The following MAMLD1 variants were observed in gnomAD, a reference collection of about 807,000 sequenced individuals.
MAMLD1 encodes mastermind like domain containing 1.
Under a neutral mutation model 45.0 loss-of-function variants are expected in MAMLD1, and 14 were observed. The observed-to-expected ratio is 0.31, with a 90% CI of 0.21 to 0.49. MAMLD1 has a LOEUF of 0.49. Among genes scored for constraint, MAMLD1 ranks in the 20% least tolerant of loss-of-function variants. The pLI is 0.99. For synonymous variants in MAMLD1, 254 were observed against 247.8 expected (o/e 1.02, Z -0.24); for missense variants, 543 against 603.6 (o/e 0.90, Z 1.05).
chrX:150,387,328 A>G (rs1414784335), intron 1 of MAMLD1, among the ~76,000 whole-genome samples: 1 of 112,112 alleles, frequency 8.9e-6, no homozygotes, highest in Non-Finnish European at 1.9e-5. Context: ...CTTCTTTTAC[A>G]AGTCTTCCTG....
chrX:150,478,203 G>A lies in MAMLD1; in HGVS notation c.2040+4401G>A, dbSNP rs1557406945. Among the ~76,000 whole-genome samples the A allele has an allele frequency of 2.7e-5, 3 of 112,148 alleles. No homozygotes were observed. In the South Asian group the frequency reaches 1.1e-3, roughly 41 times the overall value. On this transcript the variant is annotated intron_variant, in intron 5 of 7. Transcript: ENST00000370401. The stretch of plus-strand genomic sequence containing the variant: ...TGGAAAACAAAAAGGAACAAACCAG[G>A]TTAGTGAGGCCAAGAGAATTTCCGA...
At chrX:150,475,957 C>T (rs1396617919) in intron 5 of MAMLD1, among the ~76,000 whole-genome samples, 2 of 111,945 alleles carry the variant, frequency 1.8e-5, no homozygotes, top group Non-Finnish European at 3.8e-5. Flanking sequence ...GTCACACAAC[C>T]CTCCAGTGTA....
Position 150,381,654 on chromosome X carries a change from G to A in MAMLD1, c.-64+18124G>A, listed in dbSNP as rs149048545. Among the ~76,000 whole-genome samples the A allele has an allele frequency of 8.9e-5, 10 of 112,183 alleles. No individual in the cohort carries two copies. The East Asian group carries it at 2.5e-3, about 28-fold the overall frequency. The stretch of plus-strand genomic sequence containing the variant: ...TATAGCATGTGATCTCTTGAGATTG[G>A]CTTTTTTCCCTCAGCATAATTCTGA... On this transcript the variant is annotated intron_variant, in intron 1 of 7. Transcript: ENST00000370401.
At chrX:150,413,668 G>T (rs782210797) in intron 1 of MAMLD1, among the ~76,000 whole-genome samples, 1 of 109,510 alleles carries the variant, frequency 9.1e-6, no homozygotes, top group Non-Finnish European at 1.9e-5. Context: ...AAGGGGGAAG[G>T]GGTGGGAGGA....
intron 1 of MAMLD1, among the ~76,000 whole-genome samples, chrX:150,401,112 A>G (rs1557402416): frequency 1.8e-5 from 2 of 111,198 alleles, no homozygotes; most frequent in Admixed American, 9.5e-5. Flanking sequence ...TTGGTAAGCT[A>G]TTGATTATTG....
chrX:150,470,972 G>A lies in MAMLD1; in HGVS notation c.1399G>A (p.Gly467Ser), dbSNP rs1557406439. 3 of 1,211,894 alleles carry A rather than the reference G, an allele frequency of 2.5e-6. No homozygotes were observed. The highest frequency in any genetic ancestry group is 3.3e-6 in the Non-Finnish European group (3 of 895,579). ...TCGCCCAGAGAAGCTCTCTAGCCCA[G>A]GCTTGCCACAGCAGTCCTTCACCCC... ...PYRPEKLSSP[G>S]LPQQSFTPQC... Residue 467 changes from glycine to serine, a missense_variant, in exon 4 of 8, where the codon GGC becomes AGC. Transcript: ENST00000370401.
intron 7 of MAMLD1, among the ~76,000 whole-genome samples, chrX:150,511,001 C>G (rs1428154803): frequency 8.9e-6 from 1 of 112,029 alleles, no homozygotes; most frequent in Non-Finnish European, 1.9e-5. Context: ...CAGATTGTAA[C>G]CTAGTTGAAA....
At chrX:150,403,977 A>AAAGAAAGAAAGAAAGAAAG (rs2033921839) in intron 1 of MAMLD1, among the ~76,000 whole-genome samples, 1 of 99,080 alleles carries the variant, frequency 1.0e-5, no homozygotes, top group Non-Finnish European at 2.0e-5. Flanking sequence ...AGAAAGAAAG[A>AAAGAAAGAAAGAAAGAAAG]AAGAAAGAAA....
chrX:150,387,872 G>C (rs1047242117), intron 1 of MAMLD1, among the ~76,000 whole-genome samples: 19 of 111,492 alleles, frequency 1.7e-4, no homozygotes, highest in African/African-American at 5.2e-4. Context: ...TTGCAATCCC[G>C]AGATAAACTC....
At chrX:150,453,843 G>T (rs2035752290) in intron 2 of MAMLD1, among the ~76,000 whole-genome samples, 1 of 112,206 alleles carries the variant, frequency 8.9e-6, no homozygotes, top group Non-Finnish European at 1.9e-5. Flanking sequence ...TCTGCCCCCA[G>T]TCCTTCTCCT....
chrX:150,509,301 A>G (rs2037833496), intron 6 of MAMLD1: 1 of 112,965 alleles, frequency 8.9e-6, no homozygotes, highest in South Asian at 3.7e-4. Context: ...AACAAGCCTC[A>G]GTCCTCTTCT....
At chrX:150,483,108 A>G (rs2148325496) in intron 5 of MAMLD1, among the ~76,000 whole-genome samples, 1 of 112,335 alleles carries the variant, frequency 8.9e-6, no homozygotes, top group East Asian at 2.8e-4. Context: ...GAAAAAGGTT[A>G]CGGTTCTCAA....
At chrX:150,460,372 T>C (rs1461286822) in intron 2 of MAMLD1, among the ~76,000 whole-genome samples, 1 of 112,433 alleles carries the variant, frequency 8.9e-6, no homozygotes, top group Non-Finnish European at 1.9e-5. Flanking sequence ...TCCTGCTCTG[T>C]GAAGCACTGA....
Position 150,403,940 on chromosome X carries a change from AAAAGAAAGAAAGAAAG to A in MAMLD1, c.-64+40453_-64+40468del, listed in dbSNP as rs1167882848. Among the ~76,000 whole-genome samples, 166 of 58,874 alleles carry A rather than the reference AAAAGAAAGAAAGAAAG, an allele frequency of 2.8e-3. 2 individuals are homozygous for A. Among genetic ancestry groups the A allele is most frequent in the African/African-American group, 7.4e-3 (115 of 15,478 alleles). The allele number at this position is 58,874 out of a possible 115,157, so 51.1% of individuals were successfully genotyped here. A position where few individuals can be genotyped will look rare whatever the true frequency, so the allele number is the denominator to read the frequency against. On this transcript the variant is annotated intron_variant, in intron 1 of 7. Coordinates refer to ENST00000370401, the MANE Select transcript of MAMLD1 (RefSeq NM_005491.5). ...AAGAAAGAAAGACAGAGAAAGAAAGAAAAGAAAGAAAGAAAGAAAGAAAGAAAGAAAGAAAGAAAGA... is the reference window on the plus strand; with the variant it reads ...AAGAAAGAAAGACAGAGAAAGAAAGAAAAGAAAGAAAGAAAGAAAGAAAGA...
At position 150,391,125 on chromosome X, in the gene MAMLD1, T is replaced by C. The variant is rs782565756; in HGVS notation, c.-64+27595T>C. Among the ~76,000 whole-genome samples the C allele has an allele frequency of 9.8e-5, 11 of 112,404 alleles. No individual in the cohort carries two copies. The East Asian group carries it at 3.1e-3, about 31-fold the overall frequency. On this transcript the variant is annotated intron_variant, in intron 1 of 7. Coordinates refer to ENST00000370401, the MANE Select transcript of MAMLD1 (RefSeq NM_005491.5). Reference sequence around the variant, plus strand: ...TTCTTTTAGTTTTCAGAATGTTAAATGCAATGTGCCTTGGCATGGATTTCT... The same window carrying C: ...TTCTTTTAGTTTTCAGAATGTTAAACGCAATGTGCCTTGGCATGGATTTCT...
chrX:150,367,718 C>T (rs1485668863), intron 1 of MAMLD1, among the ~76,000 whole-genome samples: 3 of 108,393 alleles, frequency 2.8e-5, no homozygotes, highest in Non-Finnish European at 3.8e-5. Context: ...CCTCCCCCCA[C>T]CCCACGACAG....
intron 5 of MAMLD1, among the ~76,000 whole-genome samples, chrX:150,482,334 G>A (rs2036842162): frequency 8.9e-6 from 1 of 112,107 alleles, no homozygotes; most frequent in African/African-American, 3.2e-5. Context: ...AAGGCAGATA[G>A]AACTGTGAGT....
intron 1 of MAMLD1, among the ~76,000 whole-genome samples, chrX:150,414,042 A>AAAAAAAAAAAAAAAAAAAAC: frequency 9.5e-6 from 1 of 105,575 alleles, no homozygotes; most frequent in Non-Finnish European, 1.9e-5. Context: ...AAAAAAAAAA[A>AAAAAAAAAAAAAAAAAAAAC]AAAAAAGAGC....
intron 1 of MAMLD1, among the ~76,000 whole-genome samples, chrX:150,414,193 G>A (rs1422969108): frequency 1.8e-5 from 2 of 110,880 alleles, no homozygotes; most frequent in African/African-American, 6.6e-5. Context: ...TAGTGAGTGA[G>A]TGCTTAGAAA....
Sources: allele counts gnomAD v4.1 joint callset (sites outside exome capture counted in the v4.1 genomes callset), GRCh38; gene constraint gnomAD v4.1.1; transcripts MANE v1.5; gene names NCBI Gene and HGNC (gene_info 2026-07-23, HGNC 2026-07-21).